Variants in GAPVD1 observed in about 807,000 individuals in gnomAD.
GAPVD1 encodes the protein GTPase activating protein and VPS9 domains 1, also known as GTPase-activating protein and VPS9 domain-containing protein 1.
Under a neutral mutation model 155.5 loss-of-function variants are expected in GAPVD1, and 35 were observed. The ratio of observed to expected loss-of-function variants is 0.23; its 90% CI spans 0.17 to 0.30. GAPVD1 has a LOEUF of 0.30. GAPVD1 is among the 10% of genes least tolerant of loss of function. The probability of loss-of-function intolerance (pLI) is 1.00; values close to 1 mark genes in which losing one functional copy is unlikely to be tolerated. For missense variants in GAPVD1, 1,429 were observed against 1,775.7 expected (o/e 0.80, Z 3.51); for synonymous variants, 636 against 619.7 (o/e 1.03, Z -0.39).
In GAPVD1 at chr9:125,346,948, A is replaced by G; in HGVS notation, c.3169+7A>G. ...GCAAACTATGAAAGTACAGGTGATA[A>G]TCATGACAGAGATTTGAGTAGTAAA... On this transcript the variant is annotated splice_region_variant and intron_variant, in intron 20 of 27. Coordinates refer to ENST00000297933, the MANE Select transcript of GAPVD1 (RefSeq NM_001282680.3). The G allele has an allele frequency of 6.2e-7, 1 of 1,612,420 alleles. No homozygotes were observed. The highest frequency in any genetic ancestry group is 8.5e-7 in the Non-Finnish European group (1 of 1,178,436).
At chr9:125,265,008 C>T (rs538127228) in intron 1 of GAPVD1, among the ~76,000 whole-genome samples, 19 of 152,080 alleles carry the variant, frequency 1.2e-4, no homozygotes, top group African/African-American at 3.1e-4. Flanking sequence ...CGTGAGCCAC[C>T]GCGCCTGGCC....
chr9:125,326,367 G>A (rs1294272470), intron 11 of GAPVD1, 49 bp from the exon 12 acceptor site: 1 of 1,282,224 alleles, frequency 7.8e-7, no homozygotes, highest in Non-Finnish European at 1.1e-6. Flanking sequence ...TGATTAAAAA[G>A]TCATAGCTGT....
intron 9 of GAPVD1, among the ~76,000 whole-genome samples, chr9:125,316,226 A>G (rs1035857993): frequency 6.6e-6 from 1 of 152,084 alleles, no homozygotes; most frequent in African/African-American, 2.4e-5. Context: ...TTATTATACT[A>G]TAAGTTCTGG....
In GAPVD1 at chr9:125,350,617, G is replaced by A. The variant is rs10986718; in HGVS notation, c.3410-96G>A. 0.5 allele frequency: 383,805 copies of A among 761,236 alleles called. 97,707 individuals carry two copies. Among genetic ancestry groups the A allele is most frequent in the African/African-American group, 0.57 (32,788 of 57,098 alleles). The allele number at this position is 761,236 out of a possible 1,614,324, so 47.2% of individuals were successfully genotyped here. A position where few individuals can be genotyped will look rare whatever the true frequency, so the allele number is the denominator to read the frequency against. On this transcript the variant is annotated intron_variant, in intron 22 of 27. Coordinates refer to ENST00000297933, the MANE Select transcript of GAPVD1 (RefSeq NM_001282680.3). ...CAATACAGCTTAGTTCTAATGATACGTGACAAAGCAGAATTGACGTCCCAA... is the reference window on the plus strand; with the variant it reads ...CAATACAGCTTAGTTCTAATGATACATGACAAAGCAGAATTGACGTCCCAA...
intron 17 of GAPVD1, among the ~76,000 whole-genome samples, chr9:125,340,230 G>A (rs778169666): frequency 2.0e-5 from 3 of 152,088 alleles, no homozygotes; most frequent in African/African-American, 4.8e-5. Flanking sequence ...CTTGTTGGCC[G>A]GGCTGTTCTT....
At chr9:125,293,865 T>A (rs377418442) in intron 2 of GAPVD1, among the ~76,000 whole-genome samples, 57,328 of 88,400 alleles carry the variant, frequency 0.65, 17,920 homozygotes, top group African/African-American at 0.78. Context: ...TATATATATA[T>A]ATATATATAT....
At chr9:125,320,656 C>G (rs1844192307) in intron 9 of GAPVD1, among the ~76,000 whole-genome samples, 1 of 151,892 alleles carries the variant, frequency 6.6e-6, no homozygotes. Context: ...GATGGAGTCT[C>G]ACTGTATCGC....
At chr9:125,347,055 C>G in intron 20 of GAPVD1, 114 bp downstream of exon 20, 1 of 976,120 alleles carries the variant, frequency 1.0e-6, no homozygotes, top group African/African-American at 1.6e-5. Context: ...AGTTTACTAC[C>G]TCAAAATTAC....
intron 3 of GAPVD1, among the ~76,000 whole-genome samples, chr9:125,298,512 A>G (rs1462580524): frequency 8.2e-6 from 1 of 121,542 alleles, no homozygotes; most frequent in Admixed American, 8.7e-5. Flanking sequence ...TTTTTTGAGA[A>G]CGATTCTTGC....
chr9:125,309,086 C>A (rs1842287357), intron 8 of GAPVD1: 2 of 152,120 alleles, frequency 1.3e-5, no homozygotes, highest in African/African-American at 4.8e-5. Context: ...GAACATAGTT[C>A]TTTTTAATTT....
At chr9:125,361,196 G>A (rs1009872330) in intron 27 of GAPVD1, among the ~76,000 whole-genome samples, 2 of 152,046 alleles carry the variant, frequency 1.3e-5, no homozygotes, top group South Asian at 2.1e-4. Context: ...TAGGATTTTC[G>A]AAAGAAAGGA....
At chr9:125,309,760 CAA>C (rs1842389356) in intron 8 of GAPVD1, among the ~76,000 whole-genome samples, 2 of 152,216 alleles carry the variant, frequency 1.3e-5, no homozygotes, top group South Asian at 4.1e-4. Context: ...TCCCGTTATC[CAA>C]AAGTGTCATT....
chr9:125,354,755 A>G lies in GAPVD1; in HGVS notation c.3671A>G (p.Lys1224Arg). ...CTATTGCAAAGAGTTTTGCGGGACA[A>G]AGAAGTGGCCAATCGATACTTTACC... Reference protein sequence around the residue: ...ERLLQRVLRDKEVANRYFTTV... With the variant: ...ERLLQRVLRDREVANRYFTTV... The change falls in exon 24 of 28, where the codon AAA becomes AGA. Residue 1224 changes from lysine (K) to arginine (R), a missense_variant. Coordinates refer to ENST00000297933, the MANE Select transcript of GAPVD1 (RefSeq NM_001282680.3). The G allele has an allele frequency of 1.2e-6, 2 of 1,613,872 alleles. No homozygotes were observed. The highest frequency in any genetic ancestry group is 1.7e-6 in the Non-Finnish European group (2 of 1,179,710).
At chr9:125,269,899 A>G (rs944350239) in intron 2 of GAPVD1, among the ~76,000 whole-genome samples, 4 of 150,622 alleles carry the variant, frequency 2.7e-5, no homozygotes, top group Non-Finnish European at 5.9e-5. Context: ...TTTTATTTTT[A>G]GTAGAGACGG....
At chr9:125,271,160 T>G (rs780614000) in intron 2 of GAPVD1, among the ~76,000 whole-genome samples, 7 of 152,122 alleles carry the variant, frequency 4.6e-5, no homozygotes, top group Non-Finnish European at 1.0e-4. Context: ...GTAAGCCATT[T>G]AAAAAATACA....
rs774418667 is a variant in GAPVD1 at position 125,337,531 on chromosome 9, T to G, written c.2817T>G (p.Ser939=). 1.2e-6 allele frequency: 2 copies of G among 1,613,994 alleles called. No individual in the cohort carries two copies. Among genetic ancestry groups the G allele is most frequent in the Admixed American group, 3.3e-5 (2 of 60,022 alleles). Residue 939 remains serine (S), a synonymous_variant, in exon 17 of 28, where the codon TCT becomes TCG. Coordinates refer to ENST00000297933, the MANE Select transcript of GAPVD1 (RefSeq NM_001282680.3). ...CAGCTGCAGCCATTGGTGCTACTTCTTTGGTGGCTGCACCTCATTCATCAT... is the reference window on the plus strand; with the variant it reads ...CAGCTGCAGCCATTGGTGCTACTTCGTTGGTGGCTGCACCTCATTCATCAT... ...LPPAAAIGAT[S]LVAAPHSSSS...
intron 25 of GAPVD1, among the ~76,000 whole-genome samples, chr9:125,357,274 A>G (rs1589135786): frequency 1.3e-5 from 2 of 152,162 alleles, no homozygotes; most frequent in Non-Finnish European, 2.9e-5. Context: ...TGCTCATTAT[A>G]TATTTATTAA....
At position 125,355,813 on chromosome 9, in the gene GAPVD1, G is replaced by C. The variant is rs1381189195; in HGVS notation, c.3927G>C (p.Lys1309Asn). ...IERSVMNRIFKLAFYPNQDGD... is the reference protein window; with the variant it reads ...IERSVMNRIFNLAFYPNQDGD... The stretch of plus-strand genomic sequence containing the variant: ...GAAGCGTGATGAACCGGATTTTCAA[G>C]CTCGCCTTCTACCCTAATCAAGATG... Residue 1309 changes from lysine (K) to asparagine (N), a missense_variant, in exon 25 of 28, where the codon AAG becomes AAC. Lys to Asn is a moderately conservative substitution (Grantham distance 94). This residue lies in a region of GAPVD1 where 102 missense variants were observed against 196.5 expected (regional missense o/e 0.52). Transcript: ENST00000297933. 6.2e-7 allele frequency: 1 copy of C among 1,612,900 alleles called. No homozygotes were observed. Among genetic ancestry groups the C allele is most frequent in the South Asian group, 1.1e-5 (1 of 91,068 alleles).
chr9:125,271,342 T>A (rs1241160707), intron 2 of GAPVD1, among the ~76,000 whole-genome samples: 1 of 152,028 alleles, frequency 6.6e-6, no homozygotes, highest in Non-Finnish European at 1.5e-5. Context: ...CTTTTTTTTT[T>A]CCTTACCAAC....
Sources: gnomAD v4.1 joint callset for allele counts (sites outside exome capture counted in the v4.1 genomes callset) on GRCh38, gnomAD v4.1.1 for gene constraint, gnomAD v4.1.1 regional missense constraint, MANE v1.5 for transcripts, NCBI Gene and HGNC (gene_info 2026-07-23, HGNC 2026-07-21) for gene names.